NTM: variants seen among roughly 807,000 people sequenced by gnomAD.
The protein encoded by NTM is neurotrimin.
NTM carries 13 observed loss-of-function variants against 42.1 expected under a neutral mutation model. That is an observed-to-expected ratio of 0.31 (90% CI 0.20 to 0.49). NTM has a LOEUF of 0.49. Among genes scored for constraint, NTM ranks in the 20% least tolerant of loss-of-function variants. NTM has a pLI of 0.99. For synonymous variants in NTM, 187 were observed against 179.2 expected, an observed-to-expected ratio of 1.04 and a Z score of -0.35; for missense variants, 373 against 452.8, an observed-to-expected ratio of 0.82 and a Z score of 1.60.
At chr11:131,952,419 G>A (rs975221836) in intron 2 of NTM, among the ~76,000 whole-genome samples, 23 of 152,216 alleles carry the variant, frequency 1.5e-4, no homozygotes, top group South Asian at 8.3e-4. Context: ...GTACATGCAC[G>A]TATGTATATA....
chr11:131,853,583 T>C (rs1425964864), intron 1 of NTM, among the ~76,000 whole-genome samples: 1 of 152,256 alleles, frequency 6.6e-6, no homozygotes. Context: ...TCATTCCTTT[T>C]TGTGATTGCA....
intron 1 of NTM, among the ~76,000 whole-genome samples, chr11:131,722,807 T>C (rs1359640345): frequency 6.6e-6 from 1 of 152,198 alleles, no homozygotes; most frequent in Non-Finnish European, 1.5e-5. Context: ...GTACAAAATA[T>C]ATAATATGTA....
At chr11:132,188,663 C>T (rs2078820010) in intron 3 of NTM, among the ~76,000 whole-genome samples, 1 of 152,116 alleles carries the variant, frequency 6.6e-6, no homozygotes, top group Non-Finnish European at 1.5e-5. Context: ...GCTGTATGTG[C>T]AATGTTGTTG....
intron 1 of NTM, among the ~76,000 whole-genome samples, chr11:131,710,048 G>A (rs573506402): frequency 6.6e-6 from 1 of 152,302 alleles, no homozygotes; most frequent in South Asian, 2.1e-4. Flanking sequence ...CAATGCAGAG[G>A]TCATTTTGAC....
chr11:131,796,505 C>A (rs1176813460), intron 1 of NTM, among the ~76,000 whole-genome samples: 1 of 152,200 alleles, frequency 6.6e-6, no homozygotes, highest in Non-Finnish European at 1.5e-5. Flanking sequence ...GAACCGCAGG[C>A]CAACACAAAG....
intron 1 of NTM, among the ~76,000 whole-genome samples, chr11:131,694,712 G>GAGGAGCTCTCGCTGA (rs1382285997): frequency 6.6e-6 from 1 of 152,206 alleles, no homozygotes; most frequent in Non-Finnish European, 1.5e-5. Flanking sequence ...CGTGTGGACA[G>GAGGAGCTCTCGCTGA]AGGAGCTCTC....
At chr11:131,976,284 C>T (rs60056548) in intron 2 of NTM, among the ~76,000 whole-genome samples, 2,265 of 152,166 alleles carry the variant, frequency 0.015, 53 homozygotes, top group African/African-American at 0.051. Flanking sequence ...TATACCCGAG[C>T]ATGGGTGAGT....
chr11:132,192,205 C>T (rs1447754598), intron 3 of NTM, among the ~76,000 whole-genome samples: 1 of 152,122 alleles, frequency 6.6e-6, no homozygotes, highest in Non-Finnish European at 1.5e-5. Flanking sequence ...CTGCAAGACA[C>T]ATAGTCATCA....
chr11:131,822,363 G>T (rs947548030), intron 1 of NTM, among the ~76,000 whole-genome samples: 1 of 152,114 alleles, frequency 6.6e-6, no homozygotes, highest in Non-Finnish European at 1.5e-5. Flanking sequence ...GGAAGGAATA[G>T]AATTGTTAAA....
chr11:131,474,926 G>C (rs1343737626), intron 1 of NTM, among the ~76,000 whole-genome samples: 2 of 152,168 alleles, frequency 1.3e-5, no homozygotes, highest in Non-Finnish European at 2.9e-5. Context: ...CACAACGAAA[G>C]GCTTAATATA....
rs551283544 is a variant in NTM, at chr11:132,218,424, A to G, written c.526+6277A>G. Among the ~76,000 whole-genome samples, 4 of 152,324 alleles carry G rather than the reference A, an allele frequency of 2.6e-5. No individual in the cohort carries two copies. In the South Asian group the frequency reaches 8.3e-4, roughly 32 times the overall value. ...TTGCAATAATCCAAGAAGGGGCCTC[A>G]GTGATTAAATTAACTCTTTAGTCTT... On this transcript the variant is annotated intron_variant, in intron 4 of 8. Transcript: ENST00000683400.
At chr11:131,381,148 AG>A (rs2135521760) in intron 1 of NTM, among the ~76,000 whole-genome samples, 1 of 152,320 alleles carries the variant, frequency 6.6e-6, no homozygotes, top group South Asian at 2.1e-4. Flanking sequence ...CTCTACATCT[AG>A]GTGAGGTGCT....
chr11:132,326,226 G>A (rs1339166315), intron 7 of NTM, among the ~76,000 whole-genome samples: 1 of 151,946 alleles, frequency 6.6e-6, no homozygotes, highest in African/African-American at 2.4e-5. Context: ...AAGTGAGAGA[G>A]CCTAGAGCAT....
intron 1 of NTM, among the ~76,000 whole-genome samples, chr11:131,476,949 T>C (rs554694685): frequency 6.6e-6 from 1 of 152,254 alleles, no homozygotes; most frequent in South Asian, 2.1e-4. Context: ...GCTATTCTTG[T>C]GGATGAAAGT....
At chr11:131,413,486 C>A (rs1259522145) in intron 1 of NTM, among the ~76,000 whole-genome samples, 2 of 152,190 alleles carry the variant, frequency 1.3e-5, no homozygotes, top group Non-Finnish European at 2.9e-5. Flanking sequence ...CCCTTGGCTG[C>A]TCTTGTCCTC....
chr11:132,023,906 C>A (rs2074780704), intron 2 of NTM, among the ~76,000 whole-genome samples: 1 of 151,868 alleles, frequency 6.6e-6, no homozygotes, highest in African/African-American at 2.4e-5. Flanking sequence ...GCAACCTCCA[C>A]CTCCTGGGTT....
At chr11:132,326,167 T>C (rs1297227541) in intron 7 of NTM, among the ~76,000 whole-genome samples, 2 of 151,670 alleles carry the variant, frequency 1.3e-5, no homozygotes, top group Non-Finnish European at 2.9e-5. Flanking sequence ...TAAAGTAAAA[T>C]AATAATAAAA....
chr11:131,898,684 G>A (rs1201999701), intron 1 of NTM, among the ~76,000 whole-genome samples: 1 of 152,172 alleles, frequency 6.6e-6, no homozygotes, highest in African/African-American at 2.4e-5. Context: ...TCCCTACTGG[G>A]CAATCAAAAA....
At chr11:132,064,055 A>G (rs1164638120) in intron 2 of NTM, among the ~76,000 whole-genome samples, 2 of 152,298 alleles carry the variant, frequency 1.3e-5, no homozygotes, top group African/African-American at 4.8e-5. Flanking sequence ...GAGGGACATC[A>G]TGTTGGAAAA....
Sources: gnomAD v4.1 joint callset for allele counts (sites outside exome capture counted in the v4.1 genomes callset) on GRCh38, gnomAD v4.1.1 for gene constraint, MANE v1.5 for transcripts, NCBI Gene and HGNC (gene_info 2026-07-23, HGNC 2026-07-21) for gene names.